The following TNXB variants were observed in gnomAD, a reference collection of about 807,000 sequenced individuals.
TNXB encodes the protein tenascin-X.
In TNXB, 183 loss-of-function variants were observed where a neutral mutation model predicts 340.5. The ratio of observed to expected loss-of-function variants is 0.54; its 90% CI spans 0.48 to 0.61. The LOEUF (loss-of-function observed/expected upper bound fraction) is 0.61, where lower values mean the gene tolerates loss of function less well. Ranked by LOEUF, TNXB falls within the 20% of genes least tolerant of loss-of-function variation. TNXB has a pLI of 0.00. For missense variants in TNXB, 4,613 were observed against 5,446.4 expected (o/e 0.85, Z 4.82); for synonymous variants, 2,121 against 2,314.5 (o/e 0.92, Z 2.40).
At position 32,075,574 on chromosome 6, in the gene TNXB, C is replaced by T. The variant is rs1227021115; in HGVS notation, c.4376-1622G>A. On this transcript the variant is annotated intron_variant, in intron 11 of 43. Transcript: ENST00000644971. The surrounding 1 kb of genome is among the most constrained non-coding windows in gnomAD (Gnocchi z 4.6). ...TACTAGGCTCTGCTTTTCCCCACCA[C>T]TCATCACTGTCACATCCGGTGCCAC... Among the ~76,000 whole-genome samples the T allele has an allele frequency of 6.6e-6, 1 of 152,238 alleles. No individual in the cohort carries two copies. The highest frequency in any genetic ancestry group is 2.4e-5 in the African/African-American group (1 of 41,462).
intron 3 of TNXB, 124 bp downstream of exon 3, chr6:32,095,487 G>A (rs1452477277): frequency 7.9e-7 from 1 of 1,266,128 alleles, no homozygotes; most frequent in Non-Finnish European, 1.1e-6. Flanking sequence ...GCTGCCCCTG[G>A]TGGGCACTGG....
chr6:32,094,256 C>T (rs1376540268), intron 4 of TNXB, among the ~76,000 whole-genome samples: 1 of 150,486 alleles, frequency 6.6e-6, no homozygotes, highest in Non-Finnish European at 1.5e-5. Flanking sequence ...AAAAAGATAA[C>T]ATTGAACAGG....
intron 1 of TNXB, among the ~76,000 whole-genome samples, chr6:32,099,612 C>G (rs1448167535): frequency 6.6e-6 from 1 of 152,112 alleles, no homozygotes; most frequent in Non-Finnish European, 1.5e-5. Context: ...CATCCTCCCA[C>G]CTCAGCCTCC....
chr6:32,070,498 GC>G lies in TNXB; in HGVS notation c.4991-85del, dbSNP rs544319406. ...TCTGGGGCTGGAAAAACCCAGAACTGCCCAAATGCTCAGTGCTTCCCCAAAA... is the reference window on the plus strand; with the variant it reads ...TCTGGGGCTGGAAAAACCCAGAACTGCCAAATGCTCAGTGCTTCCCCAAAA... On this transcript the variant is annotated intron_variant, in intron 13 of 43. Transcript: ENST00000644971. The surrounding 1 kb of genome is among the most constrained non-coding windows in gnomAD (Gnocchi z 6.0). The G allele has an allele frequency of 0.021, 28,405 of 1,379,152 alleles. 567 individuals carry two copies. Among genetic ancestry groups the G allele is most frequent in the African/African-American group, 0.066 (4,543 of 68,898 alleles). 85.4% of individuals were successfully genotyped at this position (1,379,152 alleles called of 1,614,324 possible).
chr6:32,053,723 C>T lies in TNXB; in HGVS notation c.8468-12G>A, dbSNP rs761613664. 7 of 1,605,740 alleles carry T rather than the reference C, an allele frequency of 4.4e-6. No homozygotes were observed. Among genetic ancestry groups the T allele is most frequent in the South Asian group, 1.1e-5 (1 of 90,880 alleles). On this transcript the variant is annotated splice_polypyrimidine_tract_variant and intron_variant, in intron 24 of 43. Transcript: ENST00000644971. ...TTCATCCTCTGGAGCTGGACAGACA[C>T]GTGTGGGGAGAGTGAGGTCCCTGGG...
In TNXB at chr6:32,067,139, GAAAGA is replaced by G. The variant is rs1258441192; in HGVS notation, c.6544+517_6544+521del. ...AGAAAGAAAGAAAGGAAGGAAGAAA[GAAAGA>G]AAGAAAGAAAGAAAGAAAGAAAGAA... On this transcript the variant is annotated intron_variant, in intron 18 of 43. Coordinates refer to ENST00000644971, the MANE Select transcript of TNXB (RefSeq NM_001365276.2). This position sits in a 1 kb window ranked among gnomAD's most constrained non-coding sequence, Gnocchi z 4.2. Among the ~76,000 whole-genome samples, 181 of 116,188 alleles carry G rather than the reference GAAAGA, an allele frequency of 1.6e-3. 4 individuals are homozygous for G. Among genetic ancestry groups the G allele is most frequent in the East Asian group, 0.011 (43 of 4,078 alleles). The allele number at this position is 116,188 out of a possible 152,430, so 76.2% of individuals were successfully genotyped here.
rs1160859780 is a variant in TNXB, at chr6:32,083,044, C to T, written c.3446-718G>A. On this transcript the variant is annotated intron_variant, in intron 8 of 43. Transcript: ENST00000644971. The surrounding 1 kb of genome is among the most constrained non-coding windows in gnomAD (Gnocchi z 4.6). The stretch of plus-strand genomic sequence containing the variant: ...CATGTCCTCACCTCCACCACCCTCC[C>T]GATCCAGCTCCACCCCTCCACCAGG... 6.6e-6 allele frequency among the ~76,000 whole-genome samples: 1 copy of T among 152,160 alleles called. No homozygotes were observed. The highest frequency in any genetic ancestry group is 1.5e-5 in the Non-Finnish European group (1 of 68,024).
chr6:32,108,410 G>A lies in TNXB; in HGVS notation c.-9+771C>T, dbSNP rs1781081975. On this transcript the variant is annotated intron_variant, in intron 1 of 43. Coordinates refer to ENST00000644971, the MANE Select transcript of TNXB (RefSeq NM_001365276.2). This position sits in a 1 kb window ranked among gnomAD's most constrained non-coding sequence, Gnocchi z 4.8. Reference sequence around the variant, plus strand: ...TGCGGGTTCAGACAGACAGAGGCAAGGGGAGCCTGGAAGGGGCACAGAGTG... The same window carrying A: ...TGCGGGTTCAGACAGACAGAGGCAAAGGGAGCCTGGAAGGGGCACAGAGTG... Among the ~76,000 whole-genome samples the A allele has an allele frequency of 6.6e-6, 1 of 152,140 alleles. No individual in the cohort carries two copies. Among genetic ancestry groups the A allele is most frequent in the Non-Finnish European group, 1.5e-5 (1 of 68,010 alleles).
In TNXB at chr6:32,053,657, G is replaced by A; in HGVS notation, c.8522C>T (p.Pro2841Leu). 1.9e-6 allele frequency: 3 copies of A among 1,613,364 alleles called. No individual in the cohort carries two copies. Among genetic ancestry groups the A allele is most frequent in the South Asian group, 1.1e-5 (1 of 91,078 alleles). The part of the protein sequence containing the change: ...TQAVPTTTPE[P>L]PNKPRLGELT... ...CTCCCCGAGGCGAGGCTTGTTGGGGGGCTCAGGGGTTGTGGTGGGCACTGC... is the reference window on the plus strand; with the variant it reads ...CTCCCCGAGGCGAGGCTTGTTGGGGAGCTCAGGGGTTGTGGTGGGCACTGC... Residue 2841 changes from proline (P) to leucine (L), a missense_variant, in exon 25 of 44, where the codon CCC becomes CTC. Transcript: ENST00000644971.
In TNXB at chr6:32,069,812, G is replaced by A; in HGVS notation, c.5328C>T (p.Pro1776=). 6.2e-7 allele frequency: 1 copy of A among 1,609,982 alleles called. No homozygotes were observed. Among genetic ancestry groups the A allele is most frequent in the Non-Finnish European group, 8.5e-7 (1 of 1,178,254 alleles). ...TCACCTGCAGCTCCTCCCCCAGACG[G>A]GGTTTTGGGGGACGCTTTGTTCCAG... ...DDTGTKRPPK[P]RLGEELQVTT... The change falls in exon 15 of 44, where the codon CCC becomes CCT. Residue 1776 remains proline, a synonymous_variant. Coordinates refer to ENST00000644971, the MANE Select transcript of TNXB (RefSeq NM_001365276.2). This position sits in a 1 kb window ranked among gnomAD's most constrained non-coding sequence, Gnocchi z 6.2.
At position 32,096,615 on chromosome 6, in the gene TNXB, C is replaced by G; in HGVS notation, c.1238G>C (p.Arg413Pro). The G allele has an allele frequency of 6.4e-7, 1 of 1,563,712 alleles. No individual in the cohort carries two copies. The highest frequency in any genetic ancestry group is 1.2e-5 in the South Asian group (1 of 85,548). The change falls in exon 3 of 44, where the codon CGC becomes CCC. Residue 413 changes from arginine (R) to proline (P), a missense_variant. Around this residue, in one of 7 missense-constraint regions of TNXB, gnomAD observed 4,327 missense variants for 4,859.4 expected, o/e 0.89. Transcript: ENST00000644971. ...SCPGDCNQRG[R>P]CEDGRCVCWP... ...GCACACGCAGCGGCCGTCCTCGCAG[C>G]GGCCCCTTTGGTTGCAGTCGCCAGG... is the stretch of plus-strand genomic sequence containing the variant.
At position 32,073,585 on chromosome 6, in the gene TNXB, G is replaced by T; in HGVS notation, c.4681+62C>A. The T allele has an allele frequency of 6.8e-7, 1 of 1,476,404 alleles. No homozygotes were observed. Among genetic ancestry groups the T allele is most frequent in the Non-Finnish European group, 9.2e-7 (1 of 1,082,846 alleles). 91.5% of individuals were successfully genotyped at this position (1,476,404 alleles called of 1,614,324 possible). A position where few individuals can be genotyped will look rare whatever the true frequency, so the allele number is the denominator to read the frequency against. ...GGTACCAAGGCAGGGCTGGAAGAAG[G>T]GCCATGGGGTGGGGGAGCTCTGGGT... is the stretch of plus-strand genomic sequence containing the variant. On this transcript the variant is annotated intron_variant, in intron 12 of 43. Transcript: ENST00000644971. This position sits in a 1 kb window ranked among gnomAD's most constrained non-coding sequence, Gnocchi z 4.6.
At position 32,056,186 on chromosome 6, in the gene TNXB, A is replaced by G; in HGVS notation, c.8144-12T>C. ...CTCTTCCTCTGCAGCTGAGAAAAGG[A>G]GATATAGAGAGGATGCCAGGTGCCT... On this transcript the variant is annotated splice_polypyrimidine_tract_variant and intron_variant, in intron 23 of 43. Coordinates refer to ENST00000644971, the MANE Select transcript of TNXB (RefSeq NM_001365276.2). 1 of 1,604,440 alleles carries G rather than the reference A, an allele frequency of 6.2e-7. No individual in the cohort carries two copies. Among genetic ancestry groups the G allele is most frequent in the East Asian group, 2.2e-5 (1 of 44,694 alleles).
rs1262981827 is a variant in TNXB at position 32,052,026 on chromosome 6, T to A, written c.9115+644A>T. On this transcript the variant is annotated intron_variant, in intron 26 of 43. Transcript: ENST00000644971. The surrounding 1 kb of genome is among the most constrained non-coding windows in gnomAD (Gnocchi z 4.7). ...CAGTCCACAGCAATGTGAGTGGACT[T>A]CATGCTGGACTGCAAACTAGAAAGC... is the stretch of plus-strand genomic sequence containing the variant. Among the ~76,000 whole-genome samples the A allele has an allele frequency of 6.6e-6, 1 of 152,146 alleles. No individual in the cohort carries two copies. Among genetic ancestry groups the A allele is most frequent in the Non-Finnish European group, 1.5e-5 (1 of 68,034 alleles).
At position 32,058,706 on chromosome 6, in the gene TNXB, T is replaced by G. The variant is rs1777835510; in HGVS notation, c.7493-316A>C. Among the ~76,000 whole-genome samples, 1 of 151,942 alleles carries G rather than the reference T, an allele frequency of 6.6e-6. No homozygotes were observed. Among genetic ancestry groups the G allele is most frequent in the Non-Finnish European group, 1.5e-5 (1 of 68,034 alleles). ...GTTCTGGGCATCTGTCCTAAGAAAA[T>G]TATTAAAGCAGGAAAAAGTTATAGC... is the stretch of plus-strand genomic sequence containing the variant. On this transcript the variant is annotated intron_variant, in intron 21 of 43. Transcript: ENST00000644971. This position sits in a 1 kb window ranked among gnomAD's most constrained non-coding sequence, Gnocchi z 5.1.
Position 32,056,154 on chromosome 6 carries a change from TG to T in TNXB, c.8163del (p.Ser2722AlafsTer21). 2 of 1,611,676 alleles carry T rather than the reference TG, an allele frequency of 1.2e-6. No homozygotes were observed. Among genetic ancestry groups the T allele is most frequent in the Non-Finnish European group, 8.5e-7 (1 of 1,179,094 alleles). On this transcript the variant is annotated frameshift_variant, in exon 24 of 44. Transcript: ENST00000644971. LOFTEE classifies it high-confidence loss of function. ...GCCTCAGTGCTGAGTTCCGTGGGGC[TG>T]GGGGTCTCTTCCTCTGCAGCTGAGA... ...IGVTAAEEET[P>X]SPTELSTEAP...
At chr6:32,107,563 G>C (rs1360610546) in intron 1 of TNXB, among the ~76,000 whole-genome samples, 1 of 152,092 alleles carries the variant, frequency 6.6e-6, no homozygotes, top group Non-Finnish European at 1.5e-5. Flanking sequence ...TCTCTGTAGT[G>C]TGTGTTTGGA....
At position 32,089,447 on chromosome 6, in the gene TNXB, C is replaced by G; in HGVS notation, c.2359-68G>C. 1.3e-6 allele frequency: 2 copies of G among 1,524,422 alleles called. No individual in the cohort carries two copies. Among genetic ancestry groups the G allele is most frequent in the Non-Finnish European group, 1.8e-6 (2 of 1,133,590 alleles). The allele number at this position is 1,524,422 out of a possible 1,614,324, so 94.4% of individuals were successfully genotyped here. A position where few individuals can be genotyped will look rare whatever the true frequency, so the allele number is the denominator to read the frequency against. ...GCCTCTGCTGCTCAATCCCCCTTAT[C>G]TCTTCTTTCTCCAATTCTAAACAGT... is the stretch of plus-strand genomic sequence containing the variant. On this transcript the variant is annotated intron_variant, in intron 4 of 43. Transcript: ENST00000644971. The surrounding 1 kb of genome is among the most constrained non-coding windows in gnomAD (Gnocchi z 6.2).
intron 11 of TNXB, among the ~76,000 whole-genome samples, chr6:32,078,103 G>GAAAGAAAGAA: frequency 6.9e-6 from 1 of 144,802 alleles, no homozygotes; most frequent in East Asian, 2.0e-4. Flanking sequence ...AAGAAAGAAA[G>GAAAGAAAGAA]AAAGAAAGAA....
Sources: allele counts gnomAD v4.1 joint callset (sites outside exome capture counted in the v4.1 genomes callset), GRCh38; gene constraint gnomAD v4.1.1; regional missense constraint gnomAD v4.1.1; non-coding constraint Gnocchi (gnomAD v3.1); transcripts MANE v1.5; gene names NCBI Gene and HGNC (gene_info 2026-07-23, HGNC 2026-07-21).